Variants in MMP16 observed in about 807,000 individuals in gnomAD.
The protein encoded by MMP16 is matrix metallopeptidase 16.
Under a neutral mutation model 67.8 loss-of-function variants are expected in MMP16, and 12 were observed. That is an observed-to-expected ratio of 0.18 (90% CI 0.11 to 0.29). The LOEUF (loss-of-function observed/expected upper bound fraction) is 0.29. Among genes scored for constraint, MMP16 ranks in the 10% least tolerant of loss-of-function variants. MMP16 has a pLI of 1.00. For synonymous variants in MMP16, 249 were observed against 255.9 expected (o/e 0.97, Z 0.26); for missense variants, 475 against 765.7 (o/e 0.62, Z 4.48).
intron 4 of MMP16, among the ~76,000 whole-genome samples, chr8:88,126,734 C>A (rs945054890): frequency 1.3e-5 from 2 of 151,752 alleles, no homozygotes; most frequent in African/African-American, 4.8e-5. Flanking sequence ...TATTTAAAGT[C>A]CTGACTCAAC....
intron 4 of MMP16, among the ~76,000 whole-genome samples, chr8:88,154,774 G>A (rs1438382547): frequency 4.7e-5 from 7 of 148,416 alleles, no homozygotes; most frequent in Middle Eastern, 3.4e-3. Flanking sequence ...GCTAGATGAC[G>A]AGTTAGTGGG....
intron 7 of MMP16, among the ~76,000 whole-genome samples, chr8:88,070,189 G>A (rs1412945449): frequency 6.6e-6 from 1 of 152,104 alleles, no homozygotes; most frequent in African/African-American, 2.4e-5. Flanking sequence ...GGGTATGCAA[G>A]ATACTGTGAA....
chr8:88,150,746 C>T (rs1292913743), intron 4 of MMP16, among the ~76,000 whole-genome samples: 7 of 149,840 alleles, frequency 4.7e-5, no homozygotes, highest in South Asian at 2.2e-4. Flanking sequence ...CGGTACCAGC[C>T]GCTGCAAAAT....
At chr8:88,276,817 A>C (rs1810656294) in intron 1 of MMP16, among the ~76,000 whole-genome samples, 1 of 152,122 alleles carries the variant, frequency 6.6e-6, no homozygotes, top group African/African-American at 2.4e-5. Context: ...CATTGGTTAA[A>C]TTAATAAAAT....
Position 88,233,703 on chromosome 8 carries a change from A to C in MMP16, c.133-36397T>G, listed in dbSNP as rs145509431. 5.1e-3 allele frequency among the ~76,000 whole-genome samples: 782 copies of C among 152,350 alleles called. 11 individuals are homozygous for C. Among genetic ancestry groups the C allele is most frequent in the African/African-American group, 0.018 (748 of 41,586 alleles). On this transcript the variant is annotated intron_variant, in intron 1 of 9. Coordinates refer to ENST00000286614, the MANE Select transcript of MMP16 (RefSeq NM_005941.5). ...TTTCAAAGACCAGAGCTGCCTGCACAGTGTCTGCACAAAGCAAGACTGAAA... is the reference window on the plus strand; with the variant it reads ...TTTCAAAGACCAGAGCTGCCTGCACCGTGTCTGCACAAAGCAAGACTGAAA...
At chr8:88,176,964 G>A (rs954887227) in intron 3 of MMP16, among the ~76,000 whole-genome samples, 2 of 152,120 alleles carry the variant, frequency 1.3e-5, no homozygotes, top group African/African-American at 4.8e-5. Flanking sequence ...GAATTGCATC[G>A]ATTTTGTGGA....
intron 3 of MMP16, among the ~76,000 whole-genome samples, chr8:88,176,868 G>A (rs1339219377): frequency 6.6e-6 from 1 of 152,080 alleles, no homozygotes; most frequent in South Asian, 2.1e-4. Flanking sequence ...ACATTTTGAT[G>A]TTCTCCTTGG....
intron 8 of MMP16, among the ~76,000 whole-genome samples, chr8:88,047,751 G>C (rs1268283119): frequency 6.6e-6 from 1 of 152,158 alleles, no homozygotes; most frequent in Admixed American, 6.5e-5. Flanking sequence ...TACTCTAAGA[G>C]AGATGAGAAA....
chr8:88,192,263 A>G (rs939756987), intron 2 of MMP16, among the ~76,000 whole-genome samples: 2 of 152,208 alleles, frequency 1.3e-5, no homozygotes, highest in East Asian at 1.9e-4. Flanking sequence ...AGCTCATTCC[A>G]GTCCAGAGTT....
At chr8:88,272,618 G>A (rs2129975606) in intron 1 of MMP16, among the ~76,000 whole-genome samples, 1 of 152,282 alleles carries the variant, frequency 6.6e-6, no homozygotes, top group Admixed American at 6.5e-5. Context: ...AAGTAAATGT[G>A]ATCACATAAC....
At chr8:88,056,461 T>C (rs1180615460) in intron 7 of MMP16, among the ~76,000 whole-genome samples, 183 bp from the exon 8 acceptor site, 1 of 150,996 alleles carries the variant, frequency 6.6e-6, no homozygotes, top group Non-Finnish European at 1.5e-5. Context: ...AATGTTATCT[T>C]TGAAATATCA....
chr8:88,102,514 C>T (rs1418969352), intron 6 of MMP16, among the ~76,000 whole-genome samples: 1 of 151,734 alleles, frequency 6.6e-6, no homozygotes, highest in Non-Finnish European at 1.5e-5. Flanking sequence ...AAACCCTGTC[C>T]ATTTTGGTTT....
In MMP16 at chr8:88,088,932, A is replaced by T. The variant is rs28656433; in HGVS notation, c.1084-14189T>A. Among the ~76,000 whole-genome samples the T allele has an allele frequency of 3.4e-3, 514 of 152,226 alleles. 4 individuals carry two copies. The highest frequency in any genetic ancestry group is 0.012 in the African/African-American group (485 of 41,564). ...GCAATTGGAGAAAGTTCTAAAAAAT[A>T]AAAATAAGTCAGTAAGTTTCCTAAT... On this transcript the variant is annotated intron_variant, in intron 6 of 9. Transcript: ENST00000286614.
At chr8:88,067,135 T>A (rs1327355666) in intron 7 of MMP16, among the ~76,000 whole-genome samples, 1 of 152,068 alleles carries the variant, frequency 6.6e-6, no homozygotes, top group African/African-American at 2.4e-5. Context: ...TACTATTGTC[T>A]AATTAAATGT....
chr8:88,102,433 A>G (rs1809160442), intron 6 of MMP16, among the ~76,000 whole-genome samples: 1 of 151,846 alleles, frequency 6.6e-6, no homozygotes, highest in Non-Finnish European at 1.5e-5. Context: ...AGTGGGGCAG[A>G]GCTTCTATTT....
intron 7 of MMP16, among the ~76,000 whole-genome samples, chr8:88,066,334 C>A (rs1808462681): frequency 1.3e-5 from 2 of 151,932 alleles, no homozygotes; most frequent in African/African-American, 4.8e-5. Context: ...ATGGGATATA[C>A]CTGAGTGATG....
chr8:88,111,353 T>C (rs1191417530), intron 6 of MMP16, among the ~76,000 whole-genome samples: 1 of 151,610 alleles, frequency 6.6e-6, no homozygotes, highest in East Asian at 2.0e-4. Context: ...TGGACAGAAA[T>C]AAAGACTGAT....
chr8:88,300,050 C>A (rs1034446319), intron 1 of MMP16, among the ~76,000 whole-genome samples: 3 of 152,110 alleles, frequency 2.0e-5, no homozygotes, highest in Admixed American at 1.3e-4. Flanking sequence ...TGCCAAGAAA[C>A]ATACACATTA....
intron 1 of MMP16, among the ~76,000 whole-genome samples, chr8:88,290,661 T>C (rs116794020): frequency 4.9e-4 from 74 of 152,268 alleles, no homozygotes; most frequent in African/African-American, 1.6e-3. Context: ...TACTGCAACC[T>C]TGACCTCCTA....
Sources: gnomAD v4.1 joint callset for allele counts (sites outside exome capture counted in the v4.1 genomes callset) on GRCh38, gnomAD v4.1.1 for gene constraint, MANE v1.5 for transcripts, NCBI Gene and HGNC (gene_info 2026-07-23, HGNC 2026-07-21) for gene names.